Variants in KIAA1217 observed in about 807,000 individuals in gnomAD.
The protein encoded by KIAA1217 is sickle tail protein homolog.
Under a neutral mutation model 163.9 loss-of-function variants are expected in KIAA1217, and 88 were observed. That is an observed-to-expected ratio of 0.54 (90% CI 0.45 to 0.64). KIAA1217 has a LOEUF of 0.64. Ranked by LOEUF, KIAA1217 falls within the 30% of genes least tolerant of loss-of-function variation. KIAA1217 has a pLI of 0.00. For synonymous variants in KIAA1217, 903 were observed against 923.1 expected (o/e 0.98, Z 0.39); for missense variants, 2,372 against 2,475.0 (o/e 0.96, Z 0.88).
chr10:24,097,014 A>G (rs1233608393), intron 2 of KIAA1217, among the ~76,000 whole-genome samples: 1 of 152,192 alleles, frequency 6.6e-6, no homozygotes, highest in African/African-American at 2.4e-5. Context: ...TACATTGTAT[A>G]TAGGTAACGG....
chr10:24,227,118 A>T (rs1309444258), intron 2 of KIAA1217, among the ~76,000 whole-genome samples: 1 of 149,758 alleles, frequency 6.7e-6, no homozygotes, highest in East Asian at 2.0e-4. Flanking sequence ...GACATGTCCA[A>T]CAAAGAGTAA....
At position 24,544,090 on chromosome 10, in the gene KIAA1217, A is replaced by T. The variant is rs1406341972; in HGVS notation, c.4820A>T (p.Glu1607Val). ...KKTLQVVVYE[E>V]EEEDGTLKQH... ...ACTTTGCAAGTGGTAGTCTATGAAG[A>T]AGAGGAAGAGGATGGCACCCTGAAA... The change falls in exon 19 of 21, where the codon GAA (glutamate) becomes GTA (valine). Residue 1607 changes from glutamate (E) to valine (V), a missense_variant. By Grantham distance (121) the Glu-to-Val change is moderately radical. This residue lies in a region of KIAA1217 where 690 missense variants were observed against 677.5 expected (regional missense o/e 1.02). Coordinates refer to ENST00000376454, the MANE Select transcript of KIAA1217 (RefSeq NM_019590.5). 1 of 1,614,160 alleles carries T rather than the reference A, an allele frequency of 6.2e-7. No homozygotes were observed. The highest frequency in any genetic ancestry group is 1.1e-5 in the South Asian group (1 of 91,074).
chr10:24,139,544 T>C (rs1589642906), intron 2 of KIAA1217, among the ~76,000 whole-genome samples: 1 of 152,174 alleles, frequency 6.6e-6, no homozygotes, highest in Non-Finnish European at 1.5e-5. Context: ...ATGTTTTCAA[T>C]TGATCATCTT....
rs759543254 is a variant in KIAA1217 at position 24,533,032 on chromosome 10, G to A, written c.3247-38G>A. 1.4e-5 allele frequency: 22 copies of A among 1,570,834 alleles called. No individual in the cohort carries two copies. In the Admixed American group the frequency reaches 3.8e-4, roughly 27 times the overall value. Reference sequence around the variant, plus strand: ...GTCCCTTTTTTGCTAGCACCTAGGAGATGTTAAACCACTATCTGTTGTTTC... The same window carrying A: ...GTCCCTTTTTTGCTAGCACCTAGGAAATGTTAAACCACTATCTGTTGTTTC... On this transcript the variant is annotated intron_variant, in intron 15 of 20. Transcript: ENST00000376454.
At chr10:24,260,835 A>G (rs1397396570) in intron 2 of KIAA1217, among the ~76,000 whole-genome samples, 1 of 152,058 alleles carries the variant, frequency 6.6e-6, no homozygotes, top group Non-Finnish European at 1.5e-5. Flanking sequence ...GACTTGACAG[A>G]ATTTGTTAAA....
chr10:24,003,224 A>G (rs1846832917), intron 1 of KIAA1217, among the ~76,000 whole-genome samples: 1 of 151,996 alleles, frequency 6.6e-6, no homozygotes, highest in Non-Finnish European at 1.5e-5. Context: ...TCTTTAGGGA[A>G]CCTACACACC....
chr10:23,896,630 A>G (rs1479071353), intron 1 of KIAA1217, among the ~76,000 whole-genome samples: 3 of 152,010 alleles, frequency 2.0e-5, no homozygotes, highest in Non-Finnish European at 4.4e-5. Context: ...CAAAAACCTC[A>G]TGTTTCACCA....
chr10:23,851,779 T>C (rs1259877134), intron 1 of KIAA1217, among the ~76,000 whole-genome samples: 3 of 152,166 alleles, frequency 2.0e-5, no homozygotes, highest in Non-Finnish European at 2.9e-5. Flanking sequence ...GTGAGCATTT[T>C]TTCATGTGTT....
At chr10:24,394,454 G>GTT (rs60728682) in intron 3 of KIAA1217, among the ~76,000 whole-genome samples, 1 of 150,448 alleles carries the variant, frequency 6.6e-6, no homozygotes, top group East Asian at 2.0e-4. Flanking sequence ...GTTTTGTTTT[G>GTT]TTTTTTTTTA....
At chr10:24,363,561 G>GTTTTTTT (rs965092942) in intron 2 of KIAA1217, among the ~76,000 whole-genome samples, 2 of 64,262 alleles carry the variant, frequency 3.1e-5, no homozygotes. Context: ...TGTGGGTTTT[G>GTTTTTTT]TTTTTGTTTT....
chr10:24,098,303 T>G (rs2062243874), intron 2 of KIAA1217, among the ~76,000 whole-genome samples: 1 of 152,030 alleles, frequency 6.6e-6, no homozygotes, highest in Non-Finnish European at 1.5e-5. Flanking sequence ...TACAACTGTT[T>G]TGCCCATCCT....
At chr10:24,504,816 G>A (rs2068122618) in intron 9 of KIAA1217, among the ~76,000 whole-genome samples, 1 of 152,174 alleles carries the variant, frequency 6.6e-6, no homozygotes, top group South Asian at 2.1e-4. Context: ...ATTATTCTCA[G>A]GAATAGAAAT....
At chr10:24,181,011 T>A (rs1564797634) in intron 2 of KIAA1217, among the ~76,000 whole-genome samples, 1 of 152,234 alleles carries the variant, frequency 6.6e-6, no homozygotes, top group Non-Finnish European at 1.5e-5. Context: ...AGTTTATGAA[T>A]CATTGATATA....
chr10:24,276,608 C>CTTTTT (rs35622932), intron 2 of KIAA1217, among the ~76,000 whole-genome samples: 3 of 138,104 alleles, frequency 2.2e-5, no homozygotes, highest in East Asian at 4.3e-4. Flanking sequence ...TCAAGTCCAG[C>CTTTTT]TTTTTTTTTT....
Position 24,544,487 on chromosome 10 carries a change from T to TGGAAAA in KIAA1217, c.5211+6_5211+7insGGAAAA. 1 of 1,593,546 alleles carries TGGAAAA rather than the reference T, an allele frequency of 6.3e-7. No individual in the cohort carries two copies. On this transcript the variant is annotated splice_region_variant and intron_variant, in intron 19 of 20. Coordinates refer to ENST00000376454, the MANE Select transcript of KIAA1217 (RefSeq NM_019590.5). ...TACCTTCAGCTTCACGTAAGGTATCTTGGTCTGCTGGAAAATGAAAAGACC... is the reference window on the plus strand; with the variant it reads ...TACCTTCAGCTTCACGTAAGGTATCTGGAAAATGGTCTGCTGGAAAATGAAAAGACC...
At chr10:24,441,383 T>C (rs2060485509) in intron 5 of KIAA1217, among the ~76,000 whole-genome samples, 1 of 152,182 alleles carries the variant, frequency 6.6e-6, no homozygotes, top group African/African-American at 2.4e-5. Flanking sequence ...CAGGGGCTCC[T>C]GAGACTTTCC....
intron 1 of KIAA1217, among the ~76,000 whole-genome samples, chr10:23,993,865 C>A (rs895271363): frequency 7.2e-5 from 11 of 152,110 alleles, no homozygotes; most frequent in Admixed American, 2.6e-4. Flanking sequence ...CAGGCATGAG[C>A]AACCGCACCC....
chr10:23,971,724 A>AATCTACATT (rs1341523256), intron 1 of KIAA1217, among the ~76,000 whole-genome samples: 2 of 152,202 alleles, frequency 1.3e-5, no homozygotes, highest in Admixed American at 6.5e-5. Context: ...TTGTGGGGAA[A>AATCTACATT]ATCTACATTA....
At chr10:24,492,893 T>A (rs983641313) in intron 6 of KIAA1217, among the ~76,000 whole-genome samples, 1 of 151,844 alleles carries the variant, frequency 6.6e-6, no homozygotes, top group Non-Finnish European at 1.5e-5. Flanking sequence ...TCACCCAGGA[T>A]GGAGTGCAGT....
Sources: gnomAD v4.1 joint callset for allele counts (sites outside exome capture counted in the v4.1 genomes callset) on GRCh38, gnomAD v4.1.1 for gene constraint, gnomAD v4.1.1 regional missense constraint, MANE v1.5 for transcripts, NCBI Gene and HGNC (gene_info 2026-07-23, HGNC 2026-07-21) for gene names.